TAOK1: variants seen among roughly 807,000 people sequenced by gnomAD.
TAOK1 encodes TAO kinase 1.
A neutral mutation model predicts 138.3 loss-of-function variants in TAOK1; 21 were observed. That is an observed-to-expected ratio of 0.15 (90% CI 0.11 to 0.22). The LOEUF (loss-of-function observed/expected upper bound fraction) is 0.22. Among genes scored for constraint, TAOK1 ranks in the 10% least tolerant of loss-of-function variants. TAOK1 has a pLI of 1.00. For missense variants in TAOK1, 651 were observed against 1,227.7 expected, an observed-to-expected ratio of 0.53 and a Z score of 7.02; for synonymous variants, 361 against 398.4, an observed-to-expected ratio of 0.91 and a Z score of 1.12.
At chr17:29,507,522 TAA>T (rs2031649674) in intron 13 of TAOK1, among the ~76,000 whole-genome samples, 1 of 152,196 alleles carries the variant, frequency 6.6e-6, no homozygotes, top group African/African-American at 2.4e-5. Flanking sequence ...TCCTCTGAAT[TAA>T]CTTGACTTTC....
At chr17:29,533,137 C>T (rs1442101884) in intron 18 of TAOK1, among the ~76,000 whole-genome samples, 1 of 149,082 alleles carries the variant, frequency 6.7e-6, no homozygotes, top group Non-Finnish European at 1.5e-5. Flanking sequence ...GGTTGCCGGG[C>T]AGAGACGCTC....
At chr17:29,492,833 T>G (rs1024161423) in intron 10 of TAOK1, among the ~76,000 whole-genome samples, 2 of 150,716 alleles carry the variant, frequency 1.3e-5, no homozygotes, top group African/African-American at 4.9e-5. Context: ...TTTATGTTTT[T>G]GGATGAAACA....
intron 19 of TAOK1, 144 bp from the exon 20 acceptor site, chr17:29,542,417 G>T: frequency 1.5e-6 from 1 of 681,226 alleles, no homozygotes; most frequent in Non-Finnish European, 2.2e-6. Context: ...AAATTAAAGG[G>T]AAAAAGTTTA....
chr17:29,407,208 A>G (rs753796401), intron 1 of TAOK1, among the ~76,000 whole-genome samples: 3 of 151,988 alleles, frequency 2.0e-5, no homozygotes, highest in African/African-American at 7.3e-5. Context: ...GCTGGTCTTG[A>G]ACTCCTGGCC....
intron 2 of TAOK1, among the ~76,000 whole-genome samples, chr17:29,456,694 A>G (rs1370294893): frequency 6.6e-6 from 1 of 150,410 alleles, no homozygotes; most frequent in African/African-American, 2.5e-5. Context: ...CACAAGGTAT[A>G]CTCAACCTAT....
intron 1 of TAOK1, among the ~76,000 whole-genome samples, chr17:29,423,974 G>A (rs1005225097): frequency 2.6e-5 from 4 of 151,124 alleles, no homozygotes; most frequent in Non-Finnish European, 4.4e-5. Flanking sequence ...GCTTGAACCC[G>A]GGAGGCGGAG....
In TAOK1 at chr17:29,467,949, C is replaced by G. The variant is rs374451809; in HGVS notation, c.204+733C>G. Among the ~76,000 whole-genome samples the G allele has an allele frequency of 2.0e-5, 3 of 151,106 alleles. No homozygotes were observed. In the East Asian group the frequency reaches 5.9e-4, roughly 29 times the overall value. On this transcript the variant is annotated intron_variant, in intron 3 of 19. Coordinates refer to ENST00000261716, the MANE Select transcript of TAOK1 (RefSeq NM_020791.4). Reference sequence around the variant, plus strand: ...TCAAGCAGTTCCCCTGCTTCAGCCTCCAGAGTATCTGGGATTACAGTTGTG... The same window carrying G: ...TCAAGCAGTTCCCCTGCTTCAGCCTGCAGAGTATCTGGGATTACAGTTGTG...
Position 29,544,058 on chromosome 17 carries a change from G to A in TAOK1, c.*1036G>A, listed in dbSNP as rs539498650. The A allele has an allele frequency of 6.5e-6, 1 of 152,684 alleles. No individual in the cohort carries two copies. Among genetic ancestry groups the A allele is most frequent in the South Asian group, 2.1e-4 (1 of 4,820 alleles). The allele number at this position is 152,684 out of a possible 1,614,324, so 9.5% of individuals were successfully genotyped here. ...GTTTGTACAAAAACAAAGACATATAGCCAATACAAATCAAATGCCGGAGGT... is the reference window on the plus strand; with the variant it reads ...GTTTGTACAAAAACAAAGACATATAACCAATACAAATCAAATGCCGGAGGT... On this transcript the variant is annotated 3_prime_UTR_variant, in exon 20 of 20. Coordinates refer to ENST00000261716, the MANE Select transcript of TAOK1 (RefSeq NM_020791.4).
At chr17:29,498,195 T>C (rs1598508283) in intron 11 of TAOK1, 123 bp from the exon 12 acceptor site, 1 of 945,052 alleles carries the variant, frequency 1.1e-6, no homozygotes. Flanking sequence ...AAGCAATTTC[T>C]CATGATAGAC....
chr17:29,530,962 A>ATTTTTTTTTTTTTTTTTTTTTTTTT (rs66788063), intron 18 of TAOK1, among the ~76,000 whole-genome samples: 1 of 96,192 alleles, frequency 1.0e-5, no homozygotes, highest in Admixed American at 1.5e-4. Context: ...ACAAGTACAA[A>ATTTTTTTTTTTTTTTTTTTTTTTTT]TTTTTTTTTT....
At chr17:29,465,073 G>A (rs942702477) in intron 2 of TAOK1, among the ~76,000 whole-genome samples, 9 of 149,104 alleles carry the variant, frequency 6.0e-5, no homozygotes, top group African/African-American at 1.5e-4. Flanking sequence ...CACCCGCCTC[G>A]GCCTCCCAAA....
intron 18 of TAOK1, among the ~76,000 whole-genome samples, chr17:29,533,405 C>T (rs1388537996): frequency 3.7e-4 from 56 of 151,750 alleles, no homozygotes; most frequent in Non-Finnish European, 5.9e-5. Flanking sequence ...GATGGGCAGC[C>T]GGGCAGAGAC....
At chr17:29,423,846 G>A (rs573447542) in intron 1 of TAOK1, among the ~76,000 whole-genome samples, 87 of 152,038 alleles carry the variant, frequency 5.7e-4, no homozygotes, top group Middle Eastern at 3.4e-3. Context: ...TCAGGAGTTC[G>A]AGACCAGCCT....
intron 2 of TAOK1, among the ~76,000 whole-genome samples, chr17:29,460,923 G>T (rs2030515414): frequency 6.6e-6 from 1 of 152,182 alleles, no homozygotes; most frequent in Non-Finnish European, 1.5e-5. Flanking sequence ...GCATGTGGTA[G>T]TGTCTCACTC....
At chr17:29,508,902 C>T (rs1285398141) in intron 14 of TAOK1, among the ~76,000 whole-genome samples, 2 of 151,816 alleles carry the variant, frequency 1.3e-5, no homozygotes, top group Non-Finnish European at 2.9e-5. Context: ...TTTTGATAGC[C>T]ATGTTTGTCA....
At chr17:29,478,717 A>C (rs1272832621) in intron 6 of TAOK1, among the ~76,000 whole-genome samples, 1 of 152,174 alleles carries the variant, frequency 6.6e-6, no homozygotes, top group African/African-American at 2.4e-5. Flanking sequence ...CTAATTTCCT[A>C]AAGGTTGCAA....
intron 6 of TAOK1, among the ~76,000 whole-genome samples, chr17:29,478,630 C>T (rs568791502): frequency 6.6e-6 from 1 of 152,196 alleles, no homozygotes; most frequent in South Asian, 2.1e-4. Flanking sequence ...AATTTGCAAA[C>T]TGGAATGGGC....
intron 14 of TAOK1, among the ~76,000 whole-genome samples, chr17:29,509,439 TG>T (rs758463987): frequency 1.2e-4 from 18 of 152,058 alleles, no homozygotes; most frequent in Non-Finnish European, 2.2e-4. Flanking sequence ...TGACCTCAGG[TG>T]ACCTTCCTGC....
intron 12 of TAOK1, among the ~76,000 whole-genome samples, chr17:29,502,313 C>T (rs1489425756): frequency 1.3e-5 from 2 of 152,150 alleles, no homozygotes; most frequent in Admixed American, 1.3e-4. Flanking sequence ...GCCTGTAGTT[C>T]CAGCTTCTCA....
Sources: gnomAD v4.1 joint callset for allele counts (sites outside exome capture counted in the v4.1 genomes callset) on GRCh38, gnomAD v4.1.1 for gene constraint, MANE v1.5 for transcripts, NCBI Gene and HGNC (gene_info 2026-07-23, HGNC 2026-07-21) for gene names.